COL6A3: variants seen among roughly 807,000 people sequenced by gnomAD.
COL6A3 encodes collagen alpha-3(VI) chain.
Under a neutral mutation model 274.1 loss-of-function variants are expected in COL6A3, and 137 were observed. That is an observed-to-expected ratio of 0.50 (90% CI 0.44 to 0.58). The LOEUF (loss-of-function observed/expected upper bound fraction) is 0.58. Ranked by LOEUF, COL6A3 falls within the 20% of genes least tolerant of loss-of-function variation. COL6A3 has a pLI of 0.00. For synonymous variants in COL6A3, 1,650 were observed against 1,650.6 expected (o/e 1.00, Z 0.01); for missense variants, 3,950 against 4,124.9 (o/e 0.96, Z 1.16).
In COL6A3 at chr2:237,341,117, C is replaced by T. The variant is rs767932907; in HGVS notation, c.7799G>A (p.Gly2600Asp). The change falls in exon 38 of 44, where the codon GGC becomes GAC. Residue 2600 changes from glycine (G) to aspartate (D), a missense_variant. By Grantham distance (94) the Gly-to-Asp change is moderately conservative (BLOSUM62 -1). This residue lies in a region of COL6A3 where 1,284 missense variants were observed against 1,349.7 expected (regional missense o/e 0.95). Coordinates refer to ENST00000295550, the MANE Select transcript of COL6A3 (RefSeq NM_004369.4). ...ICNIDPSCGF[G>D]SWRPSFRDRR... ...GTCCCTGAAGGAAGGCCTCCAACTGCCAAATCCACAGGATGGGTCGATGTT... is the reference window on the plus strand; with the variant it reads ...GTCCCTGAAGGAAGGCCTCCAACTGTCAAATCCACAGGATGGGTCGATGTT... The T allele has an allele frequency of 4.3e-6, 7 of 1,614,202 alleles. No individual in the cohort carries two copies. Among genetic ancestry groups the T allele is most frequent in the Non-Finnish European group, 5.9e-6 (7 of 1,180,024 alleles).
At chr2:237,405,124 T>C (rs1303160210) in intron 1 of COL6A3, among the ~76,000 whole-genome samples, 1 of 152,116 alleles carries the variant, frequency 6.6e-6, no homozygotes, top group African/African-American at 2.4e-5. Context: ...ATAATGCCTG[T>C]AGGACAATGC....
Position 237,336,534 on chromosome 2 carries a change from T to G in COL6A3, c.8568-2A>C. On this transcript the variant is annotated splice_acceptor_variant, in intron 39 of 43. Coordinates refer to ENST00000295550, the MANE Select transcript of COL6A3 (RefSeq NM_004369.4). LOFTEE classifies it high-confidence loss of function. ...GAAGTAACGTTATTCGGAACATTTC[T>G]GTTAAGACAAATTAAATATTACCTC... 1 of 1,614,076 alleles carries G rather than the reference T, an allele frequency of 6.2e-7. No individual in the cohort carries two copies. The highest frequency in any genetic ancestry group is 8.5e-7 in the Non-Finnish European group (1 of 1,179,890).
intron 3 of COL6A3, among the ~76,000 whole-genome samples, chr2:237,392,118 A>C (rs1187162240): frequency 1.3e-5 from 2 of 152,302 alleles, no homozygotes; most frequent in Non-Finnish European, 1.5e-5. Flanking sequence ...AAGCAGACCC[A>C]CAGGTAAGGG....
At chr2:237,342,344 G>A (rs889053037) in intron 36 of COL6A3, 183 bp from the exon 37 acceptor site, 1 of 627,460 alleles carries the variant, frequency 1.6e-6, no homozygotes. Context: ...AAAGACATAG[G>A]TTTTATTCTA....
chr2:237,360,965 A>C (rs557793428), intron 16 of COL6A3, among the ~76,000 whole-genome samples, 156 bp downstream of exon 16: 53 of 152,328 alleles, frequency 3.5e-4, no homozygotes, highest in African/African-American at 1.2e-3. Flanking sequence ...GTACTTAGAC[A>C]TCCAGGCAAA....
intron 6 of COL6A3, 91 bp from the exon 7 acceptor site, chr2:237,377,435 T>G: frequency 8.0e-7 from 1 of 1,251,514 alleles, no homozygotes; most frequent in South Asian, 1.2e-5. Flanking sequence ...ACAACAGGAG[T>G]TGGTGAAACT....
At chr2:237,352,745 T>C (rs1370965768) in intron 25 of COL6A3, among the ~76,000 whole-genome samples, 161 bp from the exon 26 acceptor site, 1 of 152,256 alleles carries the variant, frequency 6.6e-6, no homozygotes, top group Non-Finnish European at 1.5e-5. Flanking sequence ...CAGTAGCAGC[T>C]GCCTCAATCC....
In COL6A3 at chr2:237,379,187, T is replaced by C. The variant is rs752297825; in HGVS notation, c.1946A>G (p.Asn649Ser). ...ATAAGGGAAATTGGTTTTTCCAACG[T>C]TGGCTGATCCATCCAAAAGAAAGAT... ...DIIFLLDGSA[N>S]VGKTNFPYVR... is the part of the protein sequence containing the mutation. Residue 649 changes from asparagine to serine, a missense_variant, in exon 6 of 44, where the codon AAC becomes AGC. This residue lies in a region of COL6A3 where 1,934 missense variants were observed against 1,984.3 expected (regional missense o/e 0.97). Coordinates refer to ENST00000295550, the MANE Select transcript of COL6A3 (RefSeq NM_004369.4). The C allele has an allele frequency of 1.9e-6, 3 of 1,614,242 alleles. No homozygotes were observed. The highest frequency in any genetic ancestry group is 2.2e-5 in the South Asian group (2 of 91,086).
chr2:237,369,659 C>A (rs777368541), intron 9 of COL6A3, among the ~76,000 whole-genome samples: 2 of 152,196 alleles, frequency 1.3e-5, no homozygotes, highest in Non-Finnish European at 2.9e-5. Context: ...CAACACCATC[C>A]CAGCATGCTG....
chr2:237,365,337 G>A (rs772577646), intron 12 of COL6A3, among the ~76,000 whole-genome samples: 1 of 151,880 alleles, frequency 6.6e-6, no homozygotes, highest in Non-Finnish European at 1.5e-5. Flanking sequence ...CATGGTGTGT[G>A]TGTCTACACA....
chr2:237,366,009 A>G lies in COL6A3; in HGVS notation c.5527T>C (p.Phe1843Leu), dbSNP rs1315807859. The G allele has an allele frequency of 3.7e-6, 6 of 1,613,678 alleles. No homozygotes were observed. The highest frequency in any genetic ancestry group is 4.2e-6 in the Non-Finnish European group (5 of 1,180,012). Residue 1843 changes from phenylalanine to leucine, a missense_variant, in exon 12 of 44, where the codon TTT becomes CTT. Phe to Leu is a conservative substitution (Grantham distance 22). Around this residue, in one of 5 missense-constraint regions of COL6A3, gnomAD observed 632 missense variants for 623.4 expected, o/e 1.01. Coordinates refer to ENST00000295550, the MANE Select transcript of COL6A3 (RefSeq NM_004369.4). ...KACNLDVILG[F>L]DGSRDQNVFV... The stretch of plus-strand genomic sequence containing the variant: ...ACATTCTGGTCTCTAGAACCATCAA[A>G]CCCCAGAATCACATCCAGATTACAA...
At chr2:237,379,523 T>A (rs1046216126) in intron 5 of COL6A3, among the ~76,000 whole-genome samples, 2 of 152,138 alleles carry the variant, frequency 1.3e-5, no homozygotes, top group African/African-American at 4.8e-5. Flanking sequence ...ATCAGAATCC[T>A]TGAAACCAAA....
At chr2:237,370,763 A>C (rs1437790054) in intron 9 of COL6A3, among the ~76,000 whole-genome samples, 1 of 152,172 alleles carries the variant, frequency 6.6e-6, no homozygotes, top group Non-Finnish European at 1.5e-5. Flanking sequence ...GCTGTTTAAG[A>C]AAGAGAGAAT....
chr2:237,408,663 A>G (rs1195291595), intron 1 of COL6A3, among the ~76,000 whole-genome samples: 2 of 152,146 alleles, frequency 1.3e-5, no homozygotes, highest in Non-Finnish European at 2.9e-5. Flanking sequence ...TGAAAACCTA[A>G]TGTATAGCAC....
chr2:237,338,824 T>G (rs1480248068), intron 39 of COL6A3, 191 bp downstream of exon 39: 1 of 578,598 alleles, frequency 1.7e-6, no homozygotes, highest in African/African-American at 1.9e-5. Flanking sequence ...CACTAAGTTT[T>G]GGGTAGCTTG....
chr2:237,351,091 C>G (rs1280552776), intron 27 of COL6A3, 39 bp downstream of exon 27: 2 of 1,603,428 alleles, frequency 1.2e-6, no homozygotes, highest in African/African-American at 1.3e-5. Flanking sequence ...CCTGGCTGGT[C>G]CCTGTCCTCA....
intron 21 of COL6A3, 112 bp downstream of exon 21, chr2:237,358,409 A>T: frequency 1.1e-6 from 1 of 907,200 alleles, no homozygotes; most frequent in Admixed American, 1.8e-5. Flanking sequence ...CACATATTTT[A>T]TCAACGTGTT....
intron 2 of COL6A3, 37 bp from the exon 3 acceptor site, chr2:237,395,241 T>G (rs1305499578): frequency 1.2e-6 from 2 of 1,608,704 alleles, no homozygotes; most frequent in Non-Finnish European, 8.5e-7. Context: ...TTTTCTACTA[T>G]GTAAGCAATT....
intron 26 of COL6A3, 89 bp from the exon 27 acceptor site, chr2:237,351,281 G>T: frequency 1.6e-6 from 2 of 1,265,752 alleles, no homozygotes; most frequent in Non-Finnish European, 2.3e-6. Context: ...CTGCATGGAA[G>T]TCAGAGCCCG....
Sources: allele counts gnomAD v4.1 joint callset (sites outside exome capture counted in the v4.1 genomes callset), GRCh38; gene constraint gnomAD v4.1.1; regional missense constraint gnomAD v4.1.1; transcripts MANE v1.5; gene names NCBI Gene and HGNC (gene_info 2026-07-23, HGNC 2026-07-21).